Variants in SCN1A observed in about 807,000 individuals in gnomAD.
SCN1A encodes sodium voltage-gated channel alpha subunit 1.
Under a neutral mutation model 193.7 loss-of-function variants are expected in SCN1A, and 13 were observed. The ratio of observed to expected loss-of-function variants is 0.07; its 90% CI spans 0.04 to 0.11. SCN1A has a LOEUF of 0.11. Ranked by LOEUF, SCN1A falls within the 10% of genes least tolerant of loss-of-function variation. SCN1A has a pLI of 1.00. For synonymous variants in SCN1A, 781 were observed against 843.6 expected (o/e 0.93, Z 1.29); for missense variants, 1,432 against 2,451.1 (o/e 0.58, Z 8.78).
At chr2:166,139,334 A>T (rs1221929093) in intron 1 of SCN1A, among the ~76,000 whole-genome samples, 1 of 152,152 alleles carries the variant, frequency 6.6e-6, no homozygotes, top group Non-Finnish European at 1.5e-5. Flanking sequence ...AACTCCCACC[A>T]TTCCCATGTG....
chr2:166,085,776 G>C (rs1197192311), intron 2 of SCN1A, among the ~76,000 whole-genome samples: 1 of 152,096 alleles, frequency 6.6e-6, no homozygotes, highest in Non-Finnish European at 1.5e-5. Flanking sequence ...CAGAGCTGCA[G>C]AATTCATTTG....
At chr2:166,106,275 T>A (rs181277281) in intron 2 of SCN1A, among the ~76,000 whole-genome samples, 1 of 152,204 alleles carries the variant, frequency 6.6e-6, no homozygotes, top group African/African-American at 2.4e-5. Context: ...AATTATTAAG[T>A]ACTGATAGGA....
chr2:166,104,838 G>A lies in SCN1A; in HGVS notation c.-142+22086C>T, dbSNP rs150352292. Among the ~76,000 whole-genome samples, 440 of 152,324 alleles carry A rather than the reference G, an allele frequency of 2.9e-3. 3 individuals are homozygous for A. The highest frequency in any genetic ancestry group is 0.01 in the African/African-American group (427 of 41,562). On this transcript the variant is annotated intron_variant, in intron 2 of 28. Coordinates refer to ENST00000674923, the MANE Select transcript of SCN1A (RefSeq NM_001165963.4). ...ACAGCCTTCACAGACATTTGTCTTA[G>A]AGCCGATTTGGCTACTTTGTGTTGC...
chr2:165,996,653 T>C (rs1373861592), intron 26 of SCN1A, among the ~76,000 whole-genome samples: 2 of 151,354 alleles, frequency 1.3e-5, no homozygotes, highest in African/African-American at 2.4e-5. Flanking sequence ...GCTCATAGCA[T>C]AGTAAGTATG....
chr2:166,035,180 G>A (rs1224104759), intron 19 of SCN1A, among the ~76,000 whole-genome samples: 1 of 152,044 alleles, frequency 6.6e-6, no homozygotes, highest in Non-Finnish European at 1.5e-5. Context: ...TTCAACTCTC[G>A]GCACTCCCCT....
chr2:166,095,688 G>A (rs988615411), intron 2 of SCN1A, among the ~76,000 whole-genome samples: 1 of 152,084 alleles, frequency 6.6e-6, no homozygotes, highest in Non-Finnish European at 1.5e-5. Context: ...TATACTACAC[G>A]CTAACCAAAC....
chr2:165,996,506 A>T (rs893477964), intron 26 of SCN1A, among the ~76,000 whole-genome samples: 1 of 151,452 alleles, frequency 6.6e-6, no homozygotes, highest in African/African-American at 2.4e-5. Flanking sequence ...AAATGTAGCA[A>T]AGAGTTAGAG....
At position 165,999,709 on chromosome 2, in the gene SCN1A, C is replaced by T. The variant is rs1202149458; in HGVS notation, c.4338+14G>A. 6.4e-7 allele frequency: 1 copy of T among 1,572,490 alleles called. No homozygotes were observed. Among genetic ancestry groups the T allele is most frequent in the East Asian group, 2.2e-5 (1 of 44,450 alleles). The stretch of plus-strand genomic sequence containing the variant: ...CAATATTGTAAAAAGACTTAGAATA[C>T]AAGGAATACTTACATTTCTGGAATC... On this transcript the variant is annotated intron_variant, in intron 25 of 28. Transcript: ENST00000674923.
At chr2:166,082,493 C>A (rs976127105) in intron 2 of SCN1A, among the ~76,000 whole-genome samples, 12 of 151,730 alleles carry the variant, frequency 7.9e-5, no homozygotes, top group African/African-American at 2.9e-4. Flanking sequence ...CTTGGACAGA[C>A]CCAAAACAAA....
At chr2:166,001,273 C>T (rs1337059431) in intron 24 of SCN1A, among the ~76,000 whole-genome samples, 2 of 151,680 alleles carry the variant, frequency 1.3e-5, no homozygotes, top group Admixed American at 1.3e-4. Flanking sequence ...CAGGCATGAG[C>T]CACCATGCCC....
intron 25 of SCN1A, among the ~76,000 whole-genome samples, chr2:165,999,506 T>C (rs1690533193): frequency 6.6e-6 from 1 of 151,624 alleles, no homozygotes; most frequent in Non-Finnish European, 1.5e-5. Context: ...AATACATGAA[T>C]TTGTTACTTT....
At chr2:166,102,811 A>G (rs1423782603) in intron 2 of SCN1A, among the ~76,000 whole-genome samples, 1 of 152,210 alleles carries the variant, frequency 6.6e-6, no homozygotes, top group Non-Finnish European at 1.5e-5. Context: ...ATGTCCATTA[A>G]TGGCTGACTG....
At chr2:166,004,562 A>T (rs1691394263) in intron 23 of SCN1A, among the ~76,000 whole-genome samples, 1 of 151,464 alleles carries the variant, frequency 6.6e-6, no homozygotes, top group South Asian at 2.1e-4. Flanking sequence ...TCTATGTAAG[A>T]TGAATTAATC....
chr2:166,021,541 A>C (rs1269439615), intron 19 of SCN1A, among the ~76,000 whole-genome samples: 1 of 152,290 alleles, frequency 6.6e-6, no homozygotes, highest in Non-Finnish European at 1.5e-5. Context: ...ATAGATTAAA[A>C]TAAATAAAAA....
At chr2:166,080,715 T>G (rs2106016653) in intron 2 of SCN1A, among the ~76,000 whole-genome samples, 1 of 151,652 alleles carries the variant, frequency 6.6e-6, no homozygotes, top group East Asian at 1.9e-4. Context: ...GAAGTGGAAA[T>G]TTTGAGTGGA....
At chr2:166,039,831 G>A (rs1696920909) in intron 16 of SCN1A, among the ~76,000 whole-genome samples, 1 of 151,532 alleles carries the variant, frequency 6.6e-6, no homozygotes, top group Non-Finnish European at 1.5e-5. Flanking sequence ...AGGAAACTGA[G>A]GTCTTCAGAT....
At chr2:166,090,840 G>T (rs1686725320) in intron 2 of SCN1A, among the ~76,000 whole-genome samples, 1 of 151,960 alleles carries the variant, frequency 6.6e-6, no homozygotes, top group Non-Finnish European at 1.5e-5. Flanking sequence ...TATATCTATT[G>T]GTTTATTCAT....
At chr2:166,143,167 A>ATTT (rs66499233) in intron 1 of SCN1A, among the ~76,000 whole-genome samples, 37,732 of 126,042 alleles carry the variant, frequency 0.3, 6,554 homozygotes, top group Admixed American at 0.44. Flanking sequence ...AGAACTCAGC[A>ATTT]TTTTTTTTTT....
Position 165,986,423 on chromosome 2 carries a change from T to C in SCN1A, c.*4822A>G, listed in dbSNP as rs1465918739. ...CAAATCAGATCTGTTTAGCATCAAA[T>C]ACTGGGGTCTTAACCACTATGCCGC... On this transcript the variant is annotated 3_prime_UTR_variant, in exon 29 of 29. Transcript: ENST00000674923. The C allele has an allele frequency of 3.3e-5, 5 of 152,240 alleles. No individual in the cohort carries two copies. In the East Asian group the frequency reaches 9.6e-4, roughly 29 times the overall value. 9.4% of individuals were successfully genotyped at this position (152,240 alleles called of 1,614,324 possible).
Sources: gnomAD v4.1 joint callset for allele counts (sites outside exome capture counted in the v4.1 genomes callset) on GRCh38, gnomAD v4.1.1 for gene constraint, MANE v1.5 for transcripts, NCBI Gene and HGNC (gene_info 2026-07-23, HGNC 2026-07-21) for gene names.